The following SLC25A48 variants were observed in gnomAD, a reference collection of about 807,000 sequenced individuals.
SLC25A48 encodes the protein CTC-321K16.1.
Under a neutral mutation model 32.2 loss-of-function variants are expected in SLC25A48, and 29 were observed. The ratio of observed to expected loss-of-function variants is 0.90; its 90% CI spans 0.67 to 1.23. The LOEUF is 1.23. SLC25A48 is among the 50% of genes most tolerant of loss of function. SLC25A48 has a pLI of 0.00. For missense variants in SLC25A48, 399 were observed against 422.7 expected (o/e 0.94, Z 0.49); for synonymous variants, 164 against 172.3 (o/e 0.95, Z 0.38).
chr5:135,887,386 A>G lies in SLC25A48; in HGVS notation c.*8-646A>G, dbSNP rs1048395260. On this transcript the variant is annotated intron_variant, in intron 7 of 7. Coordinates refer to ENST00000681962, the MANE Select transcript of SLC25A48 (RefSeq NM_001349336.2). ...AGAGCAGATAACATCTTAGTGTTCT[A>G]TGAAAGTGGTTTTGACCTCGTGGGT... Among the ~76,000 whole-genome samples the G allele has an allele frequency of 3.9e-5, 6 of 152,118 alleles. No individual in the cohort carries two copies. The East Asian group carries it at 5.8e-4, about 15-fold the overall frequency.
intron 2 of SLC25A48, among the ~76,000 whole-genome samples, chr5:135,633,972 A>T (rs1752639317): frequency 6.6e-6 from 1 of 152,220 alleles, no homozygotes. Context: ...GGGAGGGTAG[A>T]TGCATTTCTC....
chr5:135,880,475 C>T (rs970150479), intron 7 of SLC25A48, among the ~76,000 whole-genome samples: 1 of 152,064 alleles, frequency 6.6e-6, no homozygotes, highest in African/African-American at 2.4e-5. Context: ...CAGGGGGCAC[C>T]GTCTCCCCAC....
At chr5:135,728,839 A>AC (rs1755153829) in intron 3 of SLC25A48, among the ~76,000 whole-genome samples, 2 of 95,512 alleles carry the variant, frequency 2.1e-5, no homozygotes, top group African/African-American at 9.6e-5. Flanking sequence ...CACATACACA[A>AC]ATACACACAC....
At chr5:135,883,000 CA>C in intron 7 of SLC25A48, 1 of 980,752 alleles carries the variant, frequency 1.0e-6, no homozygotes, top group Non-Finnish European at 1.2e-6. Flanking sequence ...TGTTTGACCC[CA>C]AGATCCAAGA....
chr5:135,839,406 T>G (rs907690207), intron 1 of SLC25A48, among the ~76,000 whole-genome samples: 2 of 152,166 alleles, frequency 1.3e-5, no homozygotes, highest in African/African-American at 4.8e-5. Context: ...GTAGCCCCTT[T>G]GTTTTGGCCA....
intron 3 of SLC25A48, among the ~76,000 whole-genome samples, chr5:135,670,510 G>T (rs1296826721): frequency 6.6e-6 from 1 of 152,192 alleles, no homozygotes; most frequent in African/African-American, 2.4e-5. Flanking sequence ...CTGCTCACTG[G>T]CAGTATCACT....
In SLC25A48 at chr5:135,883,246, C is replaced by T. The variant is rs1762599617; in HGVS notation, c.*7+3149C>T. The stretch of plus-strand genomic sequence containing the variant: ...CCCGGCTGGGGCAGCGGAGCTTCTG[C>T]CTTGGAGGGATTCAACTGACCATTG... On this transcript the variant is annotated intron_variant, in intron 7 of 7. Coordinates refer to ENST00000681962, the MANE Select transcript of SLC25A48 (RefSeq NM_001349336.2). 11 of 985,470 alleles carry T rather than the reference C, an allele frequency of 1.1e-5. No homozygotes were observed. In the South Asian group the frequency reaches 5.2e-4, roughly 46 times the overall value. The allele number at this position is 985,470 out of a possible 1,614,324, so 61.0% of individuals were successfully genotyped here. A position where few individuals can be genotyped will look rare whatever the true frequency, so the allele number is the denominator to read the frequency against.
intron 3 of SLC25A48, among the ~76,000 whole-genome samples, chr5:135,717,370 G>C (rs151228854): frequency 3.3e-4 from 50 of 152,284 alleles, no homozygotes; most frequent in African/African-American, 1.2e-3. Flanking sequence ...ACTCCAGGCT[G>C]TCTTGTACCA....
At chr5:135,620,378 C>G (rs548548386) in intron 1 of SLC25A48, among the ~76,000 whole-genome samples, 1 of 152,206 alleles carries the variant, frequency 6.6e-6, no homozygotes, top group East Asian at 1.9e-4. Context: ...TATATGGGTG[C>G]TGACTTCAGT....
intron 1 of SLC25A48, among the ~76,000 whole-genome samples, chr5:135,596,015 A>G (rs1346310799): frequency 2.0e-5 from 3 of 152,110 alleles, no homozygotes; most frequent in African/African-American, 4.8e-5. Flanking sequence ...TCCACCTGTC[A>G]CTCGGCCAAC....
In SLC25A48 at chr5:135,876,119, T is replaced by A. The variant is rs1462589558; in HGVS notation, c.813+1965T>A. 8.1e-5 allele frequency: 10 copies of A among 123,660 alleles called. No homozygotes were observed. The East Asian group carries it at 1.6e-3, about 20-fold the overall frequency. 7.7% of individuals were successfully genotyped at this position (123,660 alleles called of 1,614,324 possible). ...CGGCCTCAATTGTCTTTTGTATCTT[T>A]TTTTTCTTCTTCTTTTTTTTTTTTT... is the stretch of plus-strand genomic sequence containing the variant. On this transcript the variant is annotated intron_variant, in intron 6 of 7. Transcript: ENST00000681962.
intron 2 of SLC25A48, among the ~76,000 whole-genome samples, chr5:135,849,367 T>G (rs549718733): frequency 6.6e-6 from 1 of 152,242 alleles, no homozygotes; most frequent in Non-Finnish European, 1.5e-5. Context: ...GCTGACAAAG[T>G]GTTTTGATGG....
intron 3 of SLC25A48, among the ~76,000 whole-genome samples, chr5:135,639,003 A>G (rs1011976250): frequency 2.0e-5 from 3 of 152,244 alleles, no homozygotes; most frequent in Middle Eastern, 3.2e-3. Flanking sequence ...AATGGATTAG[A>G]TACTACATTT....
intron 1 of SLC25A48, 81 bp from the exon 2 acceptor site, chr5:135,842,335 G>C: frequency 1.4e-6 from 2 of 1,442,866 alleles, no homozygotes; most frequent in South Asian, 2.3e-5. Flanking sequence ...CTAAACAAGT[G>C]CCTGTTTTGT....
intron 4 of SLC25A48, among the ~76,000 whole-genome samples, chr5:135,818,780 T>C (rs977650083): frequency 6.6e-6 from 1 of 152,170 alleles, no homozygotes; most frequent in Admixed American, 6.5e-5. Context: ...GTTGGAATTA[T>C]CATCAAAGAC....
chr5:135,771,318 G>A (rs556164660), intron 3 of SLC25A48, among the ~76,000 whole-genome samples: 5 of 151,752 alleles, frequency 3.3e-5, no homozygotes, highest in South Asian at 4.2e-4. Flanking sequence ...TCTCCATATC[G>A]CGGAGGGTGT....
intron 3 of SLC25A48, among the ~76,000 whole-genome samples, chr5:135,773,036 C>T (rs1007589296): frequency 6.6e-6 from 1 of 150,932 alleles, no homozygotes; most frequent in Non-Finnish European, 1.5e-5. Flanking sequence ...AGGGGGTGTA[C>T]ACTTCCCGGT....
intron 3 of SLC25A48, among the ~76,000 whole-genome samples, chr5:135,798,880 A>T (rs1435135862): frequency 6.6e-6 from 1 of 151,528 alleles, no homozygotes; most frequent in Non-Finnish European, 1.5e-5. Context: ...TGTTTCTAAT[A>T]TCCATGGGGA....
At position 135,850,488 on chromosome 5, in the gene SLC25A48, A is replaced by T. The variant is rs1404585968; in HGVS notation, c.154A>T (p.Arg52Trp). The change falls in exon 3 of 8, where the codon AGG (arginine) becomes TGG (tryptophan). Residue 52 changes from arginine (R) to tryptophan (W), a missense_variant. Arg to Trp is a moderately radical substitution (Grantham distance 101). Coordinates refer to ENST00000681962, the MANE Select transcript of SLC25A48 (RefSeq NM_001349336.2). ...CAGCTGCATCCGCGTGGTGTACAGG[A>T]GGGAGAGTGTAAGTGCCCCTTGGGC... ...TLSCIRVVYR[R>W]ESMFGFFKGM... 1 of 1,614,030 alleles carries T rather than the reference A, an allele frequency of 6.2e-7. No homozygotes were observed. Among genetic ancestry groups the T allele is most frequent in the South Asian group, 1.1e-5 (1 of 91,072 alleles).
Sources: allele counts gnomAD v4.1 joint callset (sites outside exome capture counted in the v4.1 genomes callset), GRCh38; gene constraint gnomAD v4.1.1; transcripts MANE v1.5; gene names NCBI Gene and HGNC (gene_info 2026-07-23, HGNC 2026-07-21).